The following SHQ1 variants were observed in gnomAD, a reference collection of about 807,000 sequenced individuals.
SHQ1 encodes the protein SHQ1, H/ACA ribonucleoprotein assembly factor, also known as protein SHQ1 homolog.
SHQ1 carries 49 observed loss-of-function variants against 53.8 expected under a neutral mutation model. That is an observed-to-expected ratio of 0.91 (90% CI 0.72 to 1.16). SHQ1 has a LOEUF of 1.16. Among genes scored for constraint, SHQ1 ranks in the 50% most tolerant of loss-of-function variants. The pLI is 0.00. For missense variants in SHQ1, 738 were observed against 683.1 expected (o/e 1.08, Z -0.90); for synonymous variants, 243 against 251.0 (o/e 0.97, Z 0.30).
At chr3:72,785,673 T>C (rs1287462671) in intron 10 of SHQ1, among the ~76,000 whole-genome samples, 1 of 152,196 alleles carries the variant, frequency 6.6e-6, no homozygotes, top group Non-Finnish European at 1.5e-5. Context: ...ACCTATACAC[T>C]GTAGCTAGAA....
the SHQ1 span, among the ~76,000 whole-genome samples, chr3:72,741,688 A>C: frequency 6.6e-6 from 1 of 152,132 alleles, no homozygotes; most frequent in Non-Finnish European, 1.5e-5. Context: ...TCGCTCAACA[A>C]ATGACAGATG....
At chr3:72,725,273 C>T in the SHQ1 span, among the ~76,000 whole-genome samples, 1 of 152,008 alleles carries the variant, frequency 6.6e-6, no homozygotes, top group Non-Finnish European at 1.5e-5. Flanking sequence ...AACACTGCAC[C>T]ACGCACACTC....
At chr3:72,844,277 C>A in intron 2 of SHQ1, 82 bp downstream of exon 2, 1 of 1,154,240 alleles carries the variant, frequency 8.7e-7, no homozygotes. Context: ...TCAAAAGGTC[C>A]CCATGGTATC....
intron 8 of SHQ1, among the ~76,000 whole-genome samples, chr3:72,813,911 T>C (rs1471342581): frequency 6.6e-6 from 1 of 150,888 alleles, no homozygotes; most frequent in Admixed American, 6.6e-5. Flanking sequence ...TCAAACTGAT[T>C]TCTAGGAAAA....
intron 10 of SHQ1, chr3:72,773,537 T>C (rs909914395): frequency 4.6e-6 from 1 of 216,080 alleles, no homozygotes; most frequent in African/African-American, 2.5e-5. Context: ...ATATCCAAAA[T>C]GGCATTTCAG....
At chr3:72,782,549 A>G (rs1706100520) in intron 10 of SHQ1, among the ~76,000 whole-genome samples, 4 of 152,354 alleles carry the variant, frequency 2.6e-5, no homozygotes, top group Non-Finnish European at 4.4e-5. Flanking sequence ...TCAAATGATC[A>G]CAATCAATCT....
At chr3:72,799,481 G>A (rs928380552) in intron 9 of SHQ1, among the ~76,000 whole-genome samples, 2 of 152,076 alleles carry the variant, frequency 1.3e-5, no homozygotes, top group Admixed American at 6.5e-5. Flanking sequence ...ACCAAAGTGG[G>A]GTAATTTGCT....
At chr3:72,778,395 C>T (rs1706001629) in intron 10 of SHQ1, among the ~76,000 whole-genome samples, 1 of 151,616 alleles carries the variant, frequency 6.6e-6, no homozygotes, top group Non-Finnish European at 1.5e-5. Context: ...GCTGCAGTGA[C>T]CTATGATCAT....
intron 8 of SHQ1, among the ~76,000 whole-genome samples, chr3:72,813,389 C>A (rs554881586): frequency 6.8e-6 from 1 of 147,668 alleles, no homozygotes; most frequent in African/African-American, 2.5e-5. Context: ...TAGCTCGATC[C>A]TGGGAGGCAG....
At chr3:72,822,836 C>T (rs893247953) in intron 6 of SHQ1, among the ~76,000 whole-genome samples, 1 of 152,082 alleles carries the variant, frequency 6.6e-6, no homozygotes, top group African/African-American at 2.4e-5. Context: ...TTGTTGAAAA[C>T]GACAATAAAT....
chr3:72,797,829 G>A (rs555332804), intron 9 of SHQ1, among the ~76,000 whole-genome samples: 2 of 152,218 alleles, frequency 1.3e-5, no homozygotes, highest in East Asian at 3.9e-4. Context: ...CTTTTGTTCC[G>A]ACTATGTCAC....
chr3:72,795,216 G>A (rs899529420), intron 9 of SHQ1: 1 of 152,202 alleles, frequency 6.6e-6, no homozygotes, highest in Non-Finnish European at 1.5e-5. Flanking sequence ...GTCAATGAAA[G>A]CTCCACTGCT....
chr3:72,735,529 AG>A, the SHQ1 span, among the ~76,000 whole-genome samples: 13 of 140,408 alleles, frequency 9.3e-5, no homozygotes, highest in African/African-American at 3.4e-4. Flanking sequence ...TATTGGCCAA[AG>A]CAAGTCACTT....
intron 10 of SHQ1, among the ~76,000 whole-genome samples, chr3:72,761,929 T>C (rs1203532118): frequency 6.6e-6 from 1 of 152,198 alleles, no homozygotes; most frequent in East Asian, 1.9e-4. Flanking sequence ...ACAGGTGGGC[T>C]ACATGTTTAA....
chr3:72,765,558 T>TATATATATATATATATATATATA (rs1491541493), intron 10 of SHQ1, among the ~76,000 whole-genome samples: 6 of 63,450 alleles, frequency 9.5e-5, no homozygotes, highest in African/African-American at 6.4e-4. Context: ...TATATATATA[T>TATATATATATATATATATATATA]TTTTTTTTTT....
At chr3:72,736,807 A>AT in the SHQ1 span, among the ~76,000 whole-genome samples, 1 of 142,520 alleles carries the variant, frequency 7.0e-6, no homozygotes, top group African/African-American at 2.6e-5. Flanking sequence ...AAAAAAAAAA[A>AT]AAGAAATTAA....
intron 5 of SHQ1, among the ~76,000 whole-genome samples, chr3:72,829,702 T>C (rs1228997450): frequency 6.6e-6 from 1 of 152,134 alleles, no homozygotes; most frequent in Non-Finnish European, 1.5e-5. Context: ...AAATTTAGAG[T>C]AATGAAAAAT....
At chr3:72,801,113 T>G (rs1324322355) in intron 9 of SHQ1, among the ~76,000 whole-genome samples, 1 of 149,234 alleles carries the variant, frequency 6.7e-6, no homozygotes, top group Non-Finnish European at 1.5e-5. Flanking sequence ...CAACTAAGAA[T>G]GAGGCATCCA....
chr3:72,774,545 G>A (rs1705917162), intron 10 of SHQ1, among the ~76,000 whole-genome samples: 1 of 152,128 alleles, frequency 6.6e-6, no homozygotes, highest in African/African-American at 2.4e-5. Flanking sequence ...AAATCCATAT[G>A]CTTGGAAAGG....
Sources: gnomAD v4.1 joint callset for allele counts (sites outside exome capture counted in the v4.1 genomes callset) on GRCh38, gnomAD v4.1.1 for gene constraint, MANE v1.5 for transcripts, NCBI Gene and HGNC (gene_info 2026-07-23, HGNC 2026-07-21) for gene names.